PHF24: variants seen among roughly 807,000 people sequenced by gnomAD.
PHF24 encodes the protein Galpha inhibitory interacting protein.
In PHF24, 25 loss-of-function variants were observed where a neutral mutation model predicts 42.6. The observed-to-expected ratio is 0.59, with a 90% CI of 0.43 to 0.82. The LOEUF (loss-of-function observed/expected upper bound fraction) is 0.82. Among genes scored for constraint, PHF24 ranks in the 40% least tolerant of loss-of-function variants. The pLI is 0.00. For synonymous variants in PHF24, 185 were observed against 204.8 expected, an observed-to-expected ratio of 0.90 and a Z score of 0.83; for missense variants, 470 against 538.1, an observed-to-expected ratio of 0.87 and a Z score of 1.25.
chr9:34,756,647 A>G, the PHF24 span, among the ~76,000 whole-genome samples: 1 of 152,142 alleles, frequency 6.6e-6, no homozygotes, highest in Non-Finnish European at 1.5e-5. Context: ...AAGCAGTGTG[A>G]TGCCTCCAGC....
At chr9:34,693,235 G>A in the PHF24 span, among the ~76,000 whole-genome samples, 4 of 151,962 alleles carry the variant, frequency 2.6e-5, no homozygotes, top group African/African-American at 4.8e-5. Flanking sequence ...CACTCTTCAC[G>A]GCCCTGCTCT....
the PHF24 span, among the ~76,000 whole-genome samples, chr9:34,739,839 C>T: frequency 2.6e-5 from 4 of 152,152 alleles, no homozygotes; most frequent in African/African-American, 9.7e-5. Flanking sequence ...CCACCCACAT[C>T]CTGCTGATTG....
At chr9:34,723,887 T>G in the PHF24 span, 1 of 1,551,654 alleles carries the variant, frequency 6.4e-7, no homozygotes, top group Non-Finnish European at 8.7e-7. Flanking sequence ...GAGCTTAAGC[T>G]GAGGGTGATG....
At chr9:34,771,303 C>A in the PHF24 span, among the ~76,000 whole-genome samples, 1 of 152,168 alleles carries the variant, frequency 6.6e-6, no homozygotes, top group Non-Finnish European at 1.5e-5. Flanking sequence ...TCTATTGCTG[C>A]TAGGCTATAA....
the PHF24 span, among the ~76,000 whole-genome samples, chr9:34,937,034 GCC>G: frequency 7.4e-6 from 1 of 135,260 alleles, no homozygotes; most frequent in Non-Finnish European, 1.6e-5. Flanking sequence ...GGGGGGGTCA[GCC>G]CCCCCCCCGG....
At chr9:34,688,690 T>A in the PHF24 span, among the ~76,000 whole-genome samples, 5 of 152,210 alleles carry the variant, frequency 3.3e-5, no homozygotes, top group African/African-American at 1.2e-4. Flanking sequence ...TGGACCTTGC[T>A]CAGTTTGGCT....
At chr9:34,857,984 T>C in the PHF24 span, among the ~76,000 whole-genome samples, 1 of 151,382 alleles carries the variant, frequency 6.6e-6, no homozygotes. Flanking sequence ...TTTTTTTTTT[T>C]TTTTTGACAT....
chr9:34,953,457 G>T (rs1392382140), upstream of PHF24, among the ~76,000 whole-genome samples: 2 of 152,198 alleles, frequency 1.3e-5, no homozygotes, highest in Admixed American at 1.3e-4. This position sits in a 1 kb window ranked among gnomAD's most constrained non-coding sequence, Gnocchi z 4.1. Flanking sequence ...GGATTTTTAA[G>T]TGCCAATCCT....
At chr9:34,834,806 AC>A in the PHF24 span, 1 of 1,542,566 alleles carries the variant, frequency 6.5e-7, no homozygotes, top group East Asian at 2.4e-5. Context: ...AGATGGAGAC[AC>A]CCAATTTGGC....
chr9:34,722,446 TG>T, the PHF24 span, among the ~76,000 whole-genome samples: 1 of 152,134 alleles, frequency 6.6e-6, no homozygotes, highest in African/African-American at 2.4e-5. Flanking sequence ...CGTTTATTTT[TG>T]TATGGTTTGA....
chr9:34,952,200 A>G, the PHF24 span, among the ~76,000 whole-genome samples: 2 of 152,232 alleles, frequency 1.3e-5, no homozygotes, highest in African/African-American at 4.8e-5. Flanking sequence ...AAGCTCCTAG[A>G]ACTAATATGT....
chr9:34,763,045 C>A, the PHF24 span, among the ~76,000 whole-genome samples: 3 of 152,170 alleles, frequency 2.0e-5, no homozygotes, highest in South Asian at 6.2e-4. Flanking sequence ...CTGTTCTGTT[C>A]CATTGATCTA....
the PHF24 span, among the ~76,000 whole-genome samples, chr9:34,677,389 G>GTTTTTTTTTTTTTTTTTTTTTTTTTT: frequency 5.5e-4 from 44 of 79,760 alleles, no homozygotes; most frequent in Admixed American, 1.2e-3. Flanking sequence ...TTTGTAAACT[G>GTTTTTTTTTTTTTTTTTTTTTTTTTT]TTTTTTTTTT....
chr9:34,727,985 G>T, the PHF24 span: 3 of 1,542,338 alleles, frequency 1.9e-6, no homozygotes, highest in Non-Finnish European at 1.8e-6. Flanking sequence ...CATAGGCCAG[G>T]CTGGTTGTTG....
At position 34,971,281 on chromosome 9, in the gene PHF24, C is replaced by CT; in HGVS notation, c.-4-9dup. ...CATTGGCTGAACCTGTGCCCCTCTG[C>CT]TTTTTGTCCACAGAGCCATGGGGGT... is the stretch of plus-strand genomic sequence containing the variant. On this transcript the variant is annotated splice_polypyrimidine_tract_variant and intron_variant, in intron 1 of 7. Coordinates refer to ENST00000242315, the Ensembl canonical transcript of PHF24. 1 of 1,577,836 alleles carries CT rather than the reference C, an allele frequency of 6.3e-7. No individual in the cohort carries two copies. The highest frequency in any genetic ancestry group is 8.6e-7 in the Non-Finnish European group (1 of 1,156,672).
chr9:34,976,406 C>A, intron 4 of PHF24, 129 bp from the exon 5 acceptor site: 1 of 1,100,914 alleles, frequency 9.1e-7, no homozygotes. Context: ...CCTGGGTGAC[C>A]CTGGCCATGG....
the PHF24 span, among the ~76,000 whole-genome samples, chr9:34,899,727 A>G: frequency 1.3e-5 from 2 of 152,194 alleles, no homozygotes; most frequent in African/African-American, 4.8e-5. Flanking sequence ...GTAACAGTAG[A>G]TGGCAGCCAG....
At chr9:34,885,703 T>C in the PHF24 span, among the ~76,000 whole-genome samples, 1 of 152,156 alleles carries the variant, frequency 6.6e-6, no homozygotes, top group South Asian at 2.1e-4. Context: ...TTTCTCCATC[T>C]CCAGCCCCAT....
the PHF24 span, among the ~76,000 whole-genome samples, chr9:34,848,627 T>C: frequency 6.6e-6 from 1 of 151,822 alleles, no homozygotes; most frequent in Non-Finnish European, 1.5e-5. Flanking sequence ...TTTAGTTATT[T>C]CTTGCCTTCT....
Sources: allele counts gnomAD v4.1 joint callset (sites outside exome capture counted in the v4.1 genomes callset), GRCh38; gene constraint gnomAD v4.1.1; non-coding constraint Gnocchi (gnomAD v3.1); transcripts MANE v1.5; gene names NCBI Gene and HGNC (gene_info 2026-07-23, HGNC 2026-07-21).